The following PITPNC1 variants were observed in gnomAD, a reference collection of about 807,000 sequenced individuals.
The protein encoded by PITPNC1 is phosphatidylinositol transfer protein cytoplasmic 1, also known as cytoplasmic phosphatidylinositol transfer protein 1.
PITPNC1 carries 18 observed loss-of-function variants against 44.7 expected under a neutral mutation model. That is an observed-to-expected ratio of 0.40 (90% CI 0.28 to 0.60). PITPNC1 has a LOEUF of 0.60. Among genes scored for constraint, PITPNC1 ranks in the 20% least tolerant of loss-of-function variants. PITPNC1 has a pLI of 0.39. For synonymous variants in PITPNC1, 141 were observed against 149.6 expected (o/e 0.94, Z 0.42); for missense variants, 290 against 418.4 (o/e 0.69, Z 2.68).
At chr17:67,534,773 C>T (rs1416777533) in intron 2 of PITPNC1, among the ~76,000 whole-genome samples, 1 of 152,176 alleles carries the variant, frequency 6.6e-6, no homozygotes, top group Non-Finnish European at 1.5e-5. Context: ...TACCTGTGGC[C>T]TCTCCGATTG....
intron 1 of PITPNC1, among the ~76,000 whole-genome samples, chr17:67,383,997 A>T (rs918556421): frequency 6.6e-6 from 1 of 152,208 alleles, no homozygotes; most frequent in Admixed American, 6.5e-5. Context: ...AGATCGCACC[A>T]TCGCACTCCA....
At chr17:67,598,435 CCCAAATTCCTATGTTAA>C (rs1410468822) in intron 5 of PITPNC1, among the ~76,000 whole-genome samples, 1 of 152,090 alleles carries the variant, frequency 6.6e-6, no homozygotes, top group Non-Finnish European at 1.5e-5. Context: ...GCCCCTCACC[CCCAAATTCCTATGTTAA>C]AATCCTAATC....
At chr17:67,631,045 T>G (rs2041959157) in intron 5 of PITPNC1, among the ~76,000 whole-genome samples, 1 of 103,670 alleles carries the variant, frequency 9.6e-6, no homozygotes, top group Admixed American at 1.1e-4. Context: ...GGCTGTGTTG[T>G]TGTTGTTGTT....
At chr17:67,477,796 C>T (rs1428940355) in intron 1 of PITPNC1, among the ~76,000 whole-genome samples, 1 of 152,138 alleles carries the variant, frequency 6.6e-6, no homozygotes. Flanking sequence ...CTGAGGGTTC[C>T]ATGTGCCTCC....
chr17:67,655,211 T>C lies in PITPNC1; in HGVS notation c.463-14297T>C, dbSNP rs147976365. Among the ~76,000 whole-genome samples, 3 of 152,278 alleles carry C rather than the reference T, an allele frequency of 2.0e-5. No homozygotes were observed. In the East Asian group the frequency reaches 5.8e-4, roughly 29 times the overall value. On this transcript the variant is annotated intron_variant, in intron 6 of 8. Coordinates refer to ENST00000581322, the MANE Select transcript of PITPNC1 (RefSeq NM_012417.4). ...GGTTCATAGATGGCGCCCCTCTCAC[T>C]GTGTCCTCACATGGCAGAAAGGGTG...
intron 4 of PITPNC1, among the ~76,000 whole-genome samples, chr17:67,559,552 G>A (rs2040880394): frequency 6.6e-6 from 1 of 152,196 alleles, no homozygotes; most frequent in African/African-American, 2.4e-5. Flanking sequence ...GATGAGCAAG[G>A]CAGCAATTAG....
intron 1 of PITPNC1, among the ~76,000 whole-genome samples, chr17:67,423,914 T>C (rs1329379556): frequency 6.6e-6 from 1 of 150,872 alleles, no homozygotes; most frequent in Non-Finnish European, 1.5e-5. Flanking sequence ...ACAGAAGAGG[T>C]TTCAAGTAGA....
At chr17:67,436,933 T>G (rs2038946894) in intron 1 of PITPNC1, among the ~76,000 whole-genome samples, 1 of 140,552 alleles carries the variant, frequency 7.1e-6, no homozygotes, top group Non-Finnish European at 1.5e-5. Context: ...TTTTTTTTTT[T>G]TTTGAGACAG....
intron 1 of PITPNC1, among the ~76,000 whole-genome samples, chr17:67,429,105 T>G (rs1018561180): frequency 4.0e-5 from 6 of 151,882 alleles, no homozygotes; most frequent in African/African-American, 1.5e-4. Context: ...CCTCCCAAAG[T>G]GCTGGGATTA....
At chr17:67,607,669 AC>A (rs1198262681) in intron 5 of PITPNC1, among the ~76,000 whole-genome samples, 2 of 148,468 alleles carry the variant, frequency 1.3e-5, no homozygotes, top group Non-Finnish European at 3.0e-5. Context: ...ATTTCCCCCA[AC>A]CCCCCAGAAC....
chr17:67,501,335 T>C (rs1271128766), intron 1 of PITPNC1, among the ~76,000 whole-genome samples: 2 of 152,206 alleles, frequency 1.3e-5, no homozygotes, highest in Admixed American at 6.5e-5. Flanking sequence ...GTGCTGTAGA[T>C]GCACTCCGGG....
At chr17:67,380,516 C>T (rs759088099) in intron 1 of PITPNC1, among the ~76,000 whole-genome samples, 6 of 152,136 alleles carry the variant, frequency 3.9e-5, no homozygotes, top group South Asian at 2.1e-4. Context: ...AAGTCATTTT[C>T]GGCTTTGTCA....
chr17:67,382,345 GT>G (rs2037974507), intron 1 of PITPNC1, among the ~76,000 whole-genome samples: 2 of 136,182 alleles, frequency 1.5e-5, no homozygotes, highest in African/African-American at 5.1e-5. Context: ...TTTGGTGTGT[GT>G]GTGTGTGTGT....
At chr17:67,425,204 CACACACACACACACA>C (rs1567984765) in intron 1 of PITPNC1, among the ~76,000 whole-genome samples, 17 of 10,720 alleles carry the variant, frequency 1.6e-3, no homozygotes, top group Non-Finnish European at 2.1e-3. Flanking sequence ...CACGCACACG[CACACACACACACACA>C]CACACACACA....
At chr17:67,433,228 TG>T (rs1195402436) in intron 1 of PITPNC1, among the ~76,000 whole-genome samples, 2 of 152,154 alleles carry the variant, frequency 1.3e-5, no homozygotes, top group East Asian at 3.9e-4. Context: ...AGAATTTAGT[TG>T]GGCCAGACCA....
Position 67,470,793 on chromosome 17 carries a change from G to T in PITPNC1, c.49-62009G>T. On this transcript the variant is annotated intron_variant, in intron 1 of 8. Coordinates refer to ENST00000581322, the MANE Select transcript of PITPNC1 (RefSeq NM_012417.4). ...AAGGTGGGGAAAAGATTGAGAAATCGGATGGTTGCCGTGTCTGTGTAGAAA... is the reference window on the plus strand; with the variant it reads ...AAGGTGGGGAAAAGATTGAGAAATCTGATGGTTGCCGTGTCTGTGTAGAAA... Among the ~76,000 whole-genome samples the T allele has an allele frequency of 3.3e-5, 5 of 150,890 alleles. 1 individual carries two copies. Among genetic ancestry groups the T allele is most frequent in the Admixed American group, 3.3e-4 (5 of 15,110 alleles).
At chr17:67,613,261 C>G (rs1246807253) in intron 5 of PITPNC1, 3 of 152,120 alleles carry the variant, frequency 2.0e-5, no homozygotes, top group African/African-American at 7.2e-5. Context: ...CAAAGGAAAA[C>G]AAACTTAAAC....
intron 5 of PITPNC1, among the ~76,000 whole-genome samples, chr17:67,609,286 T>A (rs2041656067): frequency 7.3e-6 from 1 of 137,630 alleles, no homozygotes; most frequent in Admixed American, 7.7e-5. Context: ...TTCTTCTTCT[T>A]CCTTTTTTTT....
intron 1 of PITPNC1, among the ~76,000 whole-genome samples, chr17:67,507,144 G>A (rs762844605): frequency 6.6e-6 from 1 of 152,068 alleles, no homozygotes; most frequent in Non-Finnish European, 1.5e-5. Flanking sequence ...GGGCCTTGAT[G>A]GAAGAGTAAA....
Sources: allele counts gnomAD v4.1 joint callset (sites outside exome capture counted in the v4.1 genomes callset), GRCh38; gene constraint gnomAD v4.1.1; transcripts MANE v1.5; gene names NCBI Gene and HGNC (gene_info 2026-07-23, HGNC 2026-07-21).